The following DTNA variants were observed in gnomAD, a reference collection of about 807,000 sequenced individuals.
DTNA encodes dystrobrevin alpha.
DTNA carries 43 observed loss-of-function variants against 100.7 expected under a neutral mutation model. The ratio of observed to expected loss-of-function variants is 0.43; its 90% CI spans 0.33 to 0.55. The LOEUF (loss-of-function observed/expected upper bound fraction) is 0.55, where lower values mean the gene tolerates loss of function less well. DTNA is among the 20% of genes least tolerant of loss of function. The pLI is 0.04. For missense variants in DTNA, 798 were observed against 953.9 expected, an observed-to-expected ratio of 0.84 and a Z score of 2.15; for synonymous variants, 349 against 347.9, an observed-to-expected ratio of 1.00 and a Z score of -0.04.
chr18:34,567,553 A>G (rs1223000699), intron 1 of DTNA, among the ~76,000 whole-genome samples: 1 of 152,180 alleles, frequency 6.6e-6, no homozygotes, highest in Non-Finnish European at 1.5e-5. Flanking sequence ...AAGTTGAAGC[A>G]TATACAAAAT....
In DTNA at chr18:34,806,117, A is replaced by G. The variant is rs11664422; in HGVS notation, c.363-102A>G. On this transcript the variant is annotated intron_variant, in intron 4 of 22. Transcript: ENST00000444659. ...TGCAGCTATGTATCCTGTGATTTCT[A>G]CAGAATAGAAAATGTCAAACCTTGT... The G allele has an allele frequency of 0.12, 121,456 of 997,868 alleles. 9,630 individuals are homozygous for G. Among genetic ancestry groups the G allele is most frequent in the African/African-American group, 0.35 (21,579 of 62,272 alleles). 61.8% of individuals were successfully genotyped at this position (997,868 alleles called of 1,614,324 possible).
At chr18:34,673,558 A>C (rs1280616366) in intron 1 of DTNA, among the ~76,000 whole-genome samples, 1 of 151,824 alleles carries the variant, frequency 6.6e-6, no homozygotes, top group Non-Finnish European at 1.5e-5. Context: ...GAAACAGCTG[A>C]TAAATCCTTT....
At chr18:34,829,636 C>A in intron 11 of DTNA, 147 bp downstream of exon 11, 1 of 851,954 alleles carries the variant, frequency 1.2e-6, no homozygotes, top group Non-Finnish European at 1.7e-6. Flanking sequence ...TGTGTTGAGA[C>A]TTTTCAACTT....
At chr18:34,580,572 T>G (rs2048517813) in intron 1 of DTNA, among the ~76,000 whole-genome samples, 1 of 152,162 alleles carries the variant, frequency 6.6e-6, no homozygotes, top group Non-Finnish European at 1.5e-5. Context: ...TTTAGATGTA[T>G]TTGGGGAAGA....
chr18:34,629,560 C>T (rs886758597), intron 1 of DTNA, among the ~76,000 whole-genome samples: 2 of 152,182 alleles, frequency 1.3e-5, no homozygotes, highest in Non-Finnish European at 2.9e-5. Context: ...GATAGGATTT[C>T]ATCAGAAAAA....
intron 1 of DTNA, among the ~76,000 whole-genome samples, chr18:34,542,680 A>T (rs1420194758): frequency 1.3e-5 from 2 of 152,052 alleles, no homozygotes; most frequent in African/African-American, 4.8e-5. Context: ...GAAAAAAAAA[A>T]AAGTGAAAAA....
intron 17 of DTNA, among the ~76,000 whole-genome samples, chr18:34,872,825 A>T (rs189550267): frequency 6.6e-6 from 1 of 152,258 alleles, no homozygotes; most frequent in East Asian, 1.9e-4. Context: ...ACCTTTCTAT[A>T]GTAGTGAAGC....
intron 13 of DTNA, among the ~76,000 whole-genome samples, chr18:34,843,115 A>G (rs1475343314): frequency 6.6e-6 from 1 of 152,184 alleles, no homozygotes; most frequent in Non-Finnish European, 1.5e-5. Context: ...AGGAGTAGTC[A>G]GAAACTTTAC....
intron 1 of DTNA, among the ~76,000 whole-genome samples, chr18:34,702,011 A>AAGC (rs2081441157): frequency 2.0e-5 from 3 of 152,160 alleles, no homozygotes; most frequent in Non-Finnish European, 2.9e-5. Flanking sequence ...AATTCTTCAG[A>AAGC]AGCTTTGTGC....
chr18:34,578,913 T>C (rs1315437134), intron 1 of DTNA, among the ~76,000 whole-genome samples: 1 of 152,206 alleles, frequency 6.6e-6, no homozygotes, highest in African/African-American at 2.4e-5. Context: ...GATTTAAGTC[T>C]ACCATCTTAG....
chr18:34,500,782 C>T (rs1052014885), intron 1 of DTNA, among the ~76,000 whole-genome samples: 5 of 151,772 alleles, frequency 3.3e-5, no homozygotes, highest in Admixed American at 6.6e-5. Context: ...ATTTTTTTGA[C>T]GAATCATAGT....
intron 4 of DTNA, among the ~76,000 whole-genome samples, chr18:34,797,832 A>G (rs1270464618): frequency 6.6e-6 from 1 of 152,122 alleles, no homozygotes; most frequent in African/African-American, 2.4e-5. Context: ...CTATTGTCTT[A>G]TAGTGCATGT....
chr18:34,501,514 A>G (rs1484921638), intron 1 of DTNA, among the ~76,000 whole-genome samples: 3 of 152,148 alleles, frequency 2.0e-5, no homozygotes, highest in Non-Finnish European at 4.4e-5. Context: ...TATTTTCTGA[A>G]AGAGATTACA....
chr18:34,730,249 G>GAAA (rs2087769904), intron 1 of DTNA, among the ~76,000 whole-genome samples: 1 of 152,202 alleles, frequency 6.6e-6, no homozygotes, highest in Non-Finnish European at 1.5e-5. Flanking sequence ...AATTTGTAGT[G>GAAA]AAAAGCACTG....
chr18:34,634,479 T>C (rs1043355473), intron 1 of DTNA, among the ~76,000 whole-genome samples: 5 of 152,178 alleles, frequency 3.3e-5, no homozygotes, highest in African/African-American at 1.2e-4. Flanking sequence ...TTTTTGCAAA[T>C]CTCTTTAACG....
chr18:34,667,555 T>G (rs1599844026), intron 1 of DTNA, among the ~76,000 whole-genome samples: 1 of 152,334 alleles, frequency 6.6e-6, no homozygotes, highest in South Asian at 2.1e-4. Flanking sequence ...ATATTGGCTG[T>G]GGGTTTGTCA....
At chr18:34,674,529 C>G (rs1281313324) in intron 1 of DTNA, among the ~76,000 whole-genome samples, 1 of 152,174 alleles carries the variant, frequency 6.6e-6, no homozygotes, top group African/African-American at 2.4e-5. Context: ...TGGGGTGATT[C>G]TGGGTTTAGT....
chr18:34,686,808 C>T (rs545301331), intron 1 of DTNA, among the ~76,000 whole-genome samples: 2 of 152,110 alleles, frequency 1.3e-5, no homozygotes, highest in South Asian at 4.2e-4. Context: ...CTATTAATTA[C>T]TGCCTCAAAT....
rs2095359240 is a variant in DTNA at position 34,806,299 on chromosome 18, T to C, written c.443T>C (p.Leu148Ser). 6.8e-6 allele frequency: 11 copies of C among 1,613,690 alleles called. No homozygotes were observed. Among genetic ancestry groups the C allele is most frequent in the Non-Finnish European group, 8.5e-6 (10 of 1,179,770 alleles). ...TLCGGKIMDKLRYIFSMISDS... is the reference protein window; with the variant it reads ...TLCGGKIMDKSRYIFSMISDS... ...TGTGGAGGGAAGATCATGGACAAAT[T>C]AAGATGTAAGTTATTATTCCTTGTG... is the stretch of plus-strand genomic sequence containing the variant. The change falls in exon 5 of 23, where the codon TTA becomes TCA. Residue 148 changes from leucine (L) to serine (S), a missense_variant. Transcript: ENST00000444659.
Sources: gnomAD v4.1 joint callset for allele counts (sites outside exome capture counted in the v4.1 genomes callset) on GRCh38, gnomAD v4.1.1 for gene constraint, MANE v1.5 for transcripts, NCBI Gene and HGNC (gene_info 2026-07-23, HGNC 2026-07-21) for gene names.